The following ALMS1 variants were observed in gnomAD, a reference collection of about 807,000 sequenced individuals.
ALMS1 encodes ALMS1 centrosome and basal body associated protein.
Under a neutral mutation model 352.2 loss-of-function variants are expected in ALMS1, and 271 were observed. The observed-to-expected ratio is 0.77, with a 90% CI of 0.70 to 0.85. The LOEUF is 0.85. Ranked by LOEUF, ALMS1 falls within the 40% of genes least tolerant of loss-of-function variation. The probability of loss-of-function intolerance (pLI) is 0.00; values close to 1 mark genes in which losing one functional copy is unlikely to be tolerated. For synonymous variants in ALMS1, 1,865 were observed against 1,761.2 expected (o/e 1.06, Z -1.48); for missense variants, 5,445 against 4,870.7 (o/e 1.12, Z -3.51).
chr2:73,416,633 TAA>T (rs750540436), intron 2 of ALMS1, among the ~76,000 whole-genome samples: 14 of 152,180 alleles, frequency 9.2e-5, no homozygotes, highest in Non-Finnish European at 1.5e-4. Flanking sequence ...ACCCGGGAAT[TAA>T]AAGATACCTA....
intron 11 of ALMS1, among the ~76,000 whole-genome samples, chr2:73,521,718 C>G (rs62153182): frequency 0.14 from 20,678 of 151,734 alleles, 1,581 homozygotes; most frequent in Admixed American, 0.18. Context: ...CCACTGCACT[C>G]CAGCCTGGGC....
At position 73,453,025 on chromosome 2, in the gene ALMS1, A is replaced by G. The variant is rs778927340; in HGVS notation, c.6498A>G (p.Leu2166=). ...LPDRHLTEDA[L]KISSALGQAD... ...ATAGACATCTAACTGAAGATGCTCT[A>G]AAGATCTCAAGTGCTCTTGGGCAAG... is the stretch of plus-strand genomic sequence containing the variant. Residue 2166 remains leucine (L), a synonymous_variant, in exon 8 of 23, where the codon CTA becomes CTG. Coordinates refer to ENST00000613296, the MANE Select transcript of ALMS1 (RefSeq NM_001378454.1). 6.2e-7 allele frequency: 1 copy of G among 1,613,534 alleles called. No homozygotes were observed. Among genetic ancestry groups the G allele is most frequent in the Non-Finnish European group, 8.5e-7 (1 of 1,179,920 alleles).
chr2:73,391,880 C>A (rs1307976538), intron 1 of ALMS1, among the ~76,000 whole-genome samples: 1 of 152,086 alleles, frequency 6.6e-6, no homozygotes, highest in Non-Finnish European at 1.5e-5. Flanking sequence ...AAGATATCAC[C>A]ATTTAAACTA....
At chr2:73,575,295 AT>A (rs1675029387) in intron 16 of ALMS1, among the ~76,000 whole-genome samples, 1 of 152,076 alleles carries the variant, frequency 6.6e-6, no homozygotes, top group Non-Finnish European at 1.5e-5. Context: ...CCATATGGTA[AT>A]TCTGTGGATT....
At chr2:73,509,230 G>A (rs1243745292) in intron 10 of ALMS1, among the ~76,000 whole-genome samples, 3 of 151,916 alleles carry the variant, frequency 2.0e-5, no homozygotes, top group Non-Finnish European at 4.4e-5. Flanking sequence ...TTTTAATTGG[G>A]GCATTTAGCT....
intron 16 of ALMS1, among the ~76,000 whole-genome samples, chr2:73,576,356 G>T (rs1033243830): frequency 2.0e-5 from 3 of 151,930 alleles, no homozygotes; most frequent in African/African-American, 7.3e-5. Context: ...TACCATATGT[G>T]CAATTTCTTT....
At chr2:73,547,008 T>G (rs1345312134) in intron 12 of ALMS1, among the ~76,000 whole-genome samples, 1 of 151,972 alleles carries the variant, frequency 6.6e-6, no homozygotes, top group Non-Finnish European at 1.5e-5. Context: ...AACTATTTTT[T>G]GACTTTATGA....
chr2:73,427,995 C>G (rs576074896), intron 6 of ALMS1, among the ~76,000 whole-genome samples: 6 of 152,046 alleles, frequency 3.9e-5, no homozygotes, highest in African/African-American at 1.2e-4. Flanking sequence ...AGAAAATGAA[C>G]AAAGATATTA....
Position 73,608,488 on chromosome 2 carries a change from C to A in ALMS1, c.12376C>A (p.Leu4126Ile). ...IQRSKRIYEQLPEVQKKREEE... is the reference protein window; with the variant it reads ...IQRSKRIYEQIPEVQKKREEE... ...GCCATTTCTAAGGATTTATGAGCAGCTTCCAGAAGTACAGAAAAAGAGAGA... is the reference window on the plus strand; with the variant it reads ...GCCATTTCTAAGGATTTATGAGCAGATTCCAGAAGTACAGAAAAAGAGAGA... Residue 4126 changes from leucine (L) to isoleucine (I), a missense_variant, in exon 22 of 23, where the codon CTT becomes ATT. Leu to Ile is a conservative substitution (Grantham distance 5). Transcript: ENST00000613296. 6.2e-7 allele frequency: 1 copy of A among 1,613,614 alleles called. No homozygotes were observed. The highest frequency in any genetic ancestry group is 8.5e-7 in the Non-Finnish European group (1 of 1,179,728).
intron 1 of ALMS1, among the ~76,000 whole-genome samples, chr2:73,396,550 CTTTTTTTTTT>C (rs60473435): frequency 7.7e-5 from 6 of 78,258 alleles, no homozygotes; most frequent in African/African-American, 2.7e-4. Flanking sequence ...GGTCTGAGCT[CTTTTTTTTTT>C]TTTTTTTTTT....
At chr2:73,602,803 G>A (rs1675728082) in intron 20 of ALMS1, among the ~76,000 whole-genome samples, 1 of 152,108 alleles carries the variant, frequency 6.6e-6, no homozygotes, top group Middle Eastern at 3.2e-3. Flanking sequence ...CTACTTTATA[G>A]TGAGAAAACT....
At chr2:73,585,392 C>CTTTT (rs760209126) in intron 16 of ALMS1, among the ~76,000 whole-genome samples, 5 of 122,586 alleles carry the variant, frequency 4.1e-5, no homozygotes, top group Non-Finnish European at 5.0e-5. Flanking sequence ...TGATGATGAG[C>CTTTT]TTTTTTTTTT....
intron 16 of ALMS1, among the ~76,000 whole-genome samples, chr2:73,598,643 A>T (rs2948441): frequency 6.6e-6 from 1 of 152,042 alleles, no homozygotes; most frequent in Non-Finnish European, 1.5e-5. Context: ...CCTAACATTT[A>T]TTCAAAATAT....
intron 10 of ALMS1, among the ~76,000 whole-genome samples, chr2:73,501,815 A>AT (rs1356797749): frequency 6.6e-6 from 1 of 151,936 alleles, no homozygotes; most frequent in African/African-American, 2.4e-5. Context: ...GCATACTGGG[A>AT]TTTTTTTGGG....
chr2:73,402,520 A>G (rs1234025351), intron 1 of ALMS1, among the ~76,000 whole-genome samples: 1 of 151,096 alleles, frequency 6.6e-6, no homozygotes, highest in African/African-American at 2.4e-5. Context: ...TGATCCTCCC[A>G]CCGTGTTTGG....
At chr2:73,414,761 C>A (rs183823428) in intron 2 of ALMS1, among the ~76,000 whole-genome samples, 57 of 151,996 alleles carry the variant, frequency 3.8e-4, no homozygotes, top group African/African-American at 1.3e-3. Flanking sequence ...GTATCCTTTG[C>A]TGCTTTATCT....
chr2:73,447,341 A>G (rs1298587844), intron 7 of ALMS1, among the ~76,000 whole-genome samples: 3 of 152,178 alleles, frequency 2.0e-5, no homozygotes, highest in Admixed American at 6.6e-5. Flanking sequence ...CATGCTATAC[A>G]GAATTAAGTT....
rs776963509 is a variant in ALMS1, at chr2:73,600,746, A to G, written c.11737A>G (p.Ser3913Gly). Reference sequence around the variant, plus strand: ...TGTTGGGATAACTTTCCCAACTCCAAGTTCCAGCGAGGCTAAATTGGAAGA... The same window carrying G: ...TGTTGGGATAACTTTCCCAACTCCAGGTTCCAGCGAGGCTAAATTGGAAGA... ...RDVGITFPTP[S>G]SSEAKLEENS... Residue 3913 changes from serine to glycine, a missense_variant, in exon 18 of 23, where the codon AGT (serine) becomes GGT (glycine). Coordinates refer to ENST00000613296, the MANE Select transcript of ALMS1 (RefSeq NM_001378454.1). 3 of 1,614,218 alleles carry G rather than the reference A, an allele frequency of 1.9e-6. No individual in the cohort carries two copies. Among genetic ancestry groups the G allele is most frequent in the Non-Finnish European group, 1.7e-6 (2 of 1,180,040 alleles).
chr2:73,592,169 A>G (rs1675448027), intron 16 of ALMS1, among the ~76,000 whole-genome samples: 1 of 152,234 alleles, frequency 6.6e-6, no homozygotes, highest in Admixed American at 6.5e-5. Context: ...AGAACCTGTT[A>G]TGCAGGCACA....
Sources: allele counts gnomAD v4.1 joint callset (sites outside exome capture counted in the v4.1 genomes callset), GRCh38; gene constraint gnomAD v4.1.1; transcripts MANE v1.5; gene names NCBI Gene and HGNC (gene_info 2026-07-23, HGNC 2026-07-21).